Variants in CALB2 observed in about 807,000 individuals in gnomAD.
The protein encoded by CALB2 is calbindin 2, also known as calretinin.
A neutral mutation model predicts 45.9 loss-of-function variants in CALB2; 34 were observed. That is an observed-to-expected ratio of 0.74 (90% CI 0.56 to 0.99). The LOEUF is 0.99. CALB2 is among the 50% of genes least tolerant of loss of function. The pLI is 0.00. For missense variants in CALB2, 344 were observed against 339.3 expected (o/e 1.01, Z -0.11); for synonymous variants, 142 against 129.6 (o/e 1.10, Z -0.65).
chr16:71,380,093 A>G (rs1181882253), intron 4 of CALB2, among the ~76,000 whole-genome samples: 5 of 151,994 alleles, frequency 3.3e-5, no homozygotes, highest in Non-Finnish European at 7.4e-5. Flanking sequence ...TGATAGAGAG[A>G]CAGCCAAAAA....
Position 71,384,322 on chromosome 16 carries a change from T to C in CALB2, c.534-17T>C, listed in dbSNP as rs537009601. ...CTGTGCAGTCTCCTCATCTCTGCTC[T>C]AACATTTTCTCCCCAGACTCCTGCC... On this transcript the variant is annotated splice_polypyrimidine_tract_variant and intron_variant, in intron 7 of 10. Coordinates refer to ENST00000302628, the MANE Select transcript of CALB2 (RefSeq NM_001740.5). 18 of 1,612,082 alleles carry C rather than the reference T, an allele frequency of 1.1e-5. No individual in the cohort carries two copies. In the South Asian group the frequency reaches 2.0e-4, roughly 18 times the overall value.
rs2042620162 is a variant in CALB2 at position 71,390,055 on chromosome 16, C to G, written c.*190C>G. ...GGCTGTCCTGAGCCCCCTGCACCCA[C>G]CCCTGCCCAGGCAGTCTTTGCTCAG... On this transcript the variant is annotated 3_prime_UTR_variant, in exon 11 of 11. Transcript: ENST00000302628. The G allele has an allele frequency of 1.7e-6, 1 of 581,210 alleles. No homozygotes were observed. The highest frequency in any genetic ancestry group is 2.1e-5 in the South Asian group (1 of 47,972). 36.0% of individuals were successfully genotyped at this position (581,210 alleles called of 1,614,324 possible). A position where few individuals can be genotyped will look rare whatever the true frequency, so the allele number is the denominator to read the frequency against.
chr16:71,384,430 C>T, intron 8 of CALB2, 52 bp downstream of exon 8: 7 of 1,496,564 alleles, frequency 4.7e-6, no homozygotes, highest in South Asian at 1.1e-5. Flanking sequence ...CTGAGCCTGG[C>T]CCTGCACCCT....
At chr16:71,361,858 C>A (rs2042240550) in intron 1 of CALB2, among the ~76,000 whole-genome samples, 1 of 152,190 alleles carries the variant, frequency 6.6e-6, no homozygotes, top group Non-Finnish European at 1.5e-5. Flanking sequence ...AGGCAAAATT[C>A]TTTTCACAAG....
Position 71,384,383 on chromosome 16 carries a change from A to G in CALB2, c.573+5A>G, listed in dbSNP as rs2042538898. 1.2e-6 allele frequency: 2 copies of G among 1,611,116 alleles called. No individual in the cohort carries two copies. Among genetic ancestry groups the G allele is most frequent in the East Asian group, 4.5e-5 (2 of 44,720 alleles). On this transcript the variant is annotated splice_donor_5th_base_variant and intron_variant, in intron 8 of 10. Transcript: ENST00000302628. ...AACTTCCTGCTTAAATTTCAGGTAA[A>G]ACTTTGCTTTCCTTCCTTCCCCCTT...
chr16:71,369,064 C>T (rs529069245), intron 1 of CALB2, among the ~76,000 whole-genome samples: 20 of 152,264 alleles, frequency 1.3e-4, no homozygotes, highest in African/African-American at 4.1e-4. Flanking sequence ...CTTGCCTGCT[C>T]TAGCCTCCCT....
intron 1 of CALB2, among the ~76,000 whole-genome samples, chr16:71,360,172 C>T (rs1266782722): frequency 1.3e-5 from 2 of 152,204 alleles, no homozygotes; most frequent in Non-Finnish European, 2.9e-5. Context: ...TCCCTCCTCC[C>T]TTCCTCGCCT....
At chr16:71,370,584 G>A (rs533345646) in intron 1 of CALB2, among the ~76,000 whole-genome samples, 28 of 152,222 alleles carry the variant, frequency 1.8e-4, no homozygotes, top group African/African-American at 5.5e-4. Context: ...AAGATCCCTG[G>A]GTGCCAGGTA....
At chr16:71,380,276 TTC>T (rs1166653301) in intron 4 of CALB2, among the ~76,000 whole-genome samples, 1 of 148,756 alleles carries the variant, frequency 6.7e-6, no homozygotes, top group Admixed American at 6.8e-5. Flanking sequence ...TCTTTCTTTC[TTC>T]TTTCCTTCCT....
At chr16:71,366,020 C>CTTTTTTTT (rs2042281945) in intron 1 of CALB2, among the ~76,000 whole-genome samples, 6 of 28,874 alleles carry the variant, frequency 2.1e-4, no homozygotes, top group Non-Finnish European at 4.4e-4. Context: ...TTCCCTCTCT[C>CTTTTTTTT]TCTCTTTTTT....
intron 3 of CALB2, among the ~76,000 whole-genome samples, chr16:71,375,548 A>G (rs150717885): frequency 3.9e-5 from 6 of 152,250 alleles, no homozygotes; most frequent in African/African-American, 4.8e-5. Flanking sequence ...TACAAACCAT[A>G]TAAATAAATA....
intron 4 of CALB2, among the ~76,000 whole-genome samples, chr16:71,379,650 G>A (rs139860589): frequency 2.6e-5 from 4 of 152,058 alleles, no homozygotes; most frequent in Admixed American, 6.6e-5. Flanking sequence ...ACTGGCCTTC[G>A]ACGTGACTCT....
At chr16:71,364,680 G>A (rs1235344471) in intron 1 of CALB2, among the ~76,000 whole-genome samples, 1 of 152,172 alleles carries the variant, frequency 6.6e-6, no homozygotes, top group African/African-American at 2.4e-5. Flanking sequence ...AGGTTCAGGG[G>A]ACCCAGCCCA....
intron 1 of CALB2, among the ~76,000 whole-genome samples, chr16:71,364,541 C>T (rs948960890): frequency 6.6e-6 from 1 of 152,202 alleles, no homozygotes; most frequent in Non-Finnish European, 1.5e-5. Flanking sequence ...CCATCTGGGG[C>T]CTCTGGCTTC....
intron 3 of CALB2, among the ~76,000 whole-genome samples, chr16:71,376,505 A>G (rs2042413995): frequency 6.6e-6 from 1 of 151,902 alleles, no homozygotes; most frequent in South Asian, 2.1e-4. Context: ...ACATCCACAT[A>G]TACCCACATA....
intron 10 of CALB2, among the ~76,000 whole-genome samples, chr16:71,387,494 C>G (rs1027942161): frequency 6.6e-6 from 1 of 151,440 alleles, no homozygotes; most frequent in Non-Finnish European, 1.5e-5. Context: ...CATAGATGCA[C>G]GCATTCCATT....
chr16:71,386,416 G>A (rs1462852878), intron 10 of CALB2, among the ~76,000 whole-genome samples: 1 of 152,196 alleles, frequency 6.6e-6, no homozygotes, highest in Non-Finnish European at 1.5e-5. Context: ...GGGCTATTCT[G>A]GATTGATGAA....
chr16:71,360,089 G>A (rs1300266690), intron 1 of CALB2, among the ~76,000 whole-genome samples: 1 of 152,216 alleles, frequency 6.6e-6, no homozygotes, highest in Non-Finnish European at 1.5e-5. Flanking sequence ...GGGATGACAG[G>A]GAGTTTATCC....
intron 6 of CALB2, 58 bp downstream of exon 6, chr16:71,383,502 T>G: frequency 6.6e-7 from 1 of 1,518,058 alleles, no homozygotes; most frequent in African/African-American, 1.4e-5. Context: ...CCCAAGCCAC[T>G]TGGGCTCTGG....
Sources: allele counts gnomAD v4.1 joint callset (sites outside exome capture counted in the v4.1 genomes callset), GRCh38; gene constraint gnomAD v4.1.1; transcripts MANE v1.5; gene names NCBI Gene and HGNC (gene_info 2026-07-23, HGNC 2026-07-21).